Variants in PTPRJ observed in about 807,000 individuals in gnomAD.
PTPRJ encodes the protein protein tyrosine phosphatase receptor type J.
In PTPRJ, 129 loss-of-function variants were observed where a neutral mutation model predicts 141.3. The observed-to-expected ratio is 0.91, with a 90% CI of 0.79 to 1.06. The LOEUF (loss-of-function observed/expected upper bound fraction) is 1.06, where lower values mean the gene tolerates loss of function less well. PTPRJ is among the 50% of genes least tolerant of loss of function. The pLI is 0.00. For synonymous variants in PTPRJ, 610 were observed against 640.5 expected (o/e 0.95, Z 0.72); for missense variants, 1,601 against 1,679.7 (o/e 0.95, Z 0.82).
At chr11:47,998,500 C>A (rs2134187254) in intron 1 of PTPRJ, among the ~76,000 whole-genome samples, 1 of 152,264 alleles carries the variant, frequency 6.6e-6, no homozygotes, top group South Asian at 2.1e-4. Context: ...AGGGACTTGC[C>A]CAGATCCAGG....
chr11:48,016,923 GTTTATT>G (rs1182955006), intron 1 of PTPRJ, among the ~76,000 whole-genome samples: 3 of 151,918 alleles, frequency 2.0e-5, no homozygotes, highest in South Asian at 2.1e-4. Context: ...ATTTATTTTT[GTTTATT>G]TTTAATTTTT....
intron 1 of PTPRJ, among the ~76,000 whole-genome samples, chr11:48,081,937 T>G (rs1220781125): frequency 1.3e-5 from 2 of 152,174 alleles, no homozygotes; most frequent in Non-Finnish European, 2.9e-5. Context: ...GTGAATAGTC[T>G]CTTGGTATTG....
intron 3 of PTPRJ, among the ~76,000 whole-genome samples, chr11:48,120,265 A>G (rs1856670760): frequency 1.3e-5 from 2 of 152,222 alleles, no homozygotes; most frequent in African/African-American, 2.4e-5. Context: ...TTCCAAGACC[A>G]GTCCTTTTCT....
intron 1 of PTPRJ, among the ~76,000 whole-genome samples, chr11:48,048,403 C>T (rs541631012): frequency 7.2e-5 from 11 of 152,344 alleles, no homozygotes; most frequent in African/African-American, 2.4e-4. Context: ...GCACAGCTTA[C>T]GGCCATGATG....
chr11:48,087,087 C>T (rs1322997328), intron 1 of PTPRJ, among the ~76,000 whole-genome samples: 1 of 152,168 alleles, frequency 6.6e-6, no homozygotes, highest in Admixed American at 6.5e-5. Flanking sequence ...GTATAATTCA[C>T]AGTACAGAAG....
chr11:48,102,414 AT>A (rs914835801), intron 1 of PTPRJ, among the ~76,000 whole-genome samples: 25 of 148,050 alleles, frequency 1.7e-4, no homozygotes, highest in South Asian at 4.3e-4. Context: ...TATCTCCCTA[AT>A]TTTTTTTTTT....
At chr11:48,009,376 G>A (rs879347692) in intron 1 of PTPRJ, among the ~76,000 whole-genome samples, 9 of 152,122 alleles carry the variant, frequency 5.9e-5, no homozygotes, top group Admixed American at 2.6e-4. Flanking sequence ...CAGGTGGGTC[G>A]TTGGAGGTCA....
chr11:47,985,564 C>T (rs999321339), intron 1 of PTPRJ, among the ~76,000 whole-genome samples: 16 of 152,200 alleles, frequency 1.1e-4, no homozygotes, highest in African/African-American at 3.4e-4. Context: ...TTAACTACTA[C>T]GTGGCGGAGC....
intron 1 of PTPRJ, among the ~76,000 whole-genome samples, chr11:48,036,789 T>G (rs1033449356): frequency 6.6e-6 from 1 of 152,224 alleles, no homozygotes; most frequent in African/African-American, 2.4e-5. Context: ...CTGTCTTTTT[T>G]ACCTATCAGA....
chr11:48,040,943 G>A (rs568731053), intron 1 of PTPRJ, among the ~76,000 whole-genome samples: 31 of 151,876 alleles, frequency 2.0e-4, no homozygotes, highest in Non-Finnish European at 3.5e-4. Context: ...GGAGAGCTCC[G>A]GGTTGTCCTG....
At chr11:48,086,497 C>A (rs1336136996) in intron 1 of PTPRJ, among the ~76,000 whole-genome samples, 1 of 152,238 alleles carries the variant, frequency 6.6e-6, no homozygotes, top group East Asian at 1.9e-4. Flanking sequence ...TATGTGGGGA[C>A]CACTGCATCT....
At chr11:48,164,558 A>ATTTTTTTTTTTTTTTTTTTTTTT (rs60806872) in intron 24 of PTPRJ, 43 bp downstream of exon 24, 2 of 715,256 alleles carry the variant, frequency 2.8e-6, no homozygotes. Context: ...CTTCCCCTCC[A>ATTTTTTTTTTTTTTTTTTTTTTT]TTTTTTTTTT....
intron 6 of PTPRJ, among the ~76,000 whole-genome samples, chr11:48,126,653 C>G (rs747983629): frequency 2.6e-5 from 4 of 151,892 alleles, no homozygotes; most frequent in African/African-American, 4.8e-5. Context: ...TAATACCATT[C>G]AGGAGGGAGG....
intron 1 of PTPRJ, among the ~76,000 whole-genome samples, chr11:48,020,509 C>G (rs944345614): frequency 9.2e-5 from 14 of 152,114 alleles, no homozygotes; most frequent in African/African-American, 3.4e-4. Flanking sequence ...TGTGAGAACC[C>G]TTGTACATCT....
rs960885146 is a variant in PTPRJ at position 48,038,499 on chromosome 11, C to CT, written c.96+57501dup. ...CAGCTCTGCCTATGGAGTAGCCATT[C>CT]TTTTTTTTTTGAGATGGAGTCTCGC... is the stretch of plus-strand genomic sequence containing the variant. On this transcript the variant is annotated intron_variant, in intron 1 of 24. Coordinates refer to ENST00000418331, the MANE Select transcript of PTPRJ (RefSeq NM_002843.4). Among the ~76,000 whole-genome samples the CT allele has an allele frequency of 3.7e-3, 545 of 148,876 alleles. 4 individuals are homozygous for CT. Among genetic ancestry groups the CT allele is most frequent in the African/African-American group, 0.012 (496 of 40,602 alleles).
intron 1 of PTPRJ, among the ~76,000 whole-genome samples, chr11:48,014,893 ATGGGGT>A (rs1055970901): frequency 3.3e-5 from 5 of 152,038 alleles, no homozygotes; most frequent in African/African-American, 1.2e-4. Flanking sequence ...TTTAGTACAA[ATGGGGT>A]TTCACCATGT....
In PTPRJ at chr11:48,158,946, T is replaced by C. The variant is rs991435539; in HGVS notation, c.3439-984T>C. Among the ~76,000 whole-genome samples the C allele has an allele frequency of 5.3e-5, 8 of 152,066 alleles. No homozygotes were observed. The highest frequency in any genetic ancestry group is 2.0e-4 in the Admixed American group (3 of 15,268). ...CAGCTTGTATGACAGAGTGAGACTG[T>C]CTCAAACAAACACACAAACAAAAAA... is the stretch of plus-strand genomic sequence containing the variant. On this transcript the variant is annotated intron_variant, in intron 21 of 24. Coordinates refer to ENST00000418331, the MANE Select transcript of PTPRJ (RefSeq NM_002843.4). The surrounding 1 kb of genome is among the most constrained non-coding windows in gnomAD (Gnocchi z 4.4).
chr11:47,988,449 G>T (rs891651966), intron 1 of PTPRJ, among the ~76,000 whole-genome samples: 3 of 152,092 alleles, frequency 2.0e-5, no homozygotes, highest in Admixed American at 6.6e-5. Flanking sequence ...GACCTCAGGT[G>T]ATCCACCCAC....
intron 2 of PTPRJ, among the ~76,000 whole-genome samples, chr11:48,111,409 T>C (rs1856438100): frequency 6.6e-6 from 1 of 151,764 alleles, no homozygotes; most frequent in African/African-American, 2.4e-5. Flanking sequence ...ACTTTTTTTT[T>C]CCTGATTGGT....
Sources: allele counts gnomAD v4.1 joint callset (sites outside exome capture counted in the v4.1 genomes callset), GRCh38; gene constraint gnomAD v4.1.1; non-coding constraint Gnocchi (gnomAD v3.1); transcripts MANE v1.5; gene names NCBI Gene and HGNC (gene_info 2026-07-23, HGNC 2026-07-21).